The following BTAF1 variants were observed in gnomAD, a reference collection of about 807,000 sequenced individuals.
BTAF1 encodes TATA-binding protein-associated factor 172.
In BTAF1, 38 loss-of-function variants were observed where a neutral mutation model predicts 227.1. The observed-to-expected ratio is 0.17, with a 90% confidence interval of 0.13 to 0.22. BTAF1 has a LOEUF of 0.22. Among genes scored for constraint, BTAF1 ranks in the 10% least tolerant of loss-of-function variants. The probability of loss-of-function intolerance (pLI) is 1.00; values close to 1 mark genes in which losing one functional copy is unlikely to be tolerated. For missense variants in BTAF1, 1,598 were observed against 2,204.0 expected (o/e 0.73, Z 5.51); for synonymous variants, 742 against 751.9 (o/e 0.99, Z 0.21).
intron 5 of BTAF1, 149 bp from the exon 6 acceptor site, chr10:91,953,586 CAT>C: frequency 6.1e-6 from 5 of 813,046 alleles, no homozygotes; most frequent in Non-Finnish European, 7.5e-6. Context: ...ATGGTACAGT[CAT>C]ACAACAAAAG....
chr10:91,969,295 T>TAC (rs1377978247), intron 14 of BTAF1, among the ~76,000 whole-genome samples: 1 of 152,100 alleles, frequency 6.6e-6, no homozygotes, highest in Admixed American at 6.5e-5. Context: ...TAAGGTATTC[T>TAC]GTATAAATGA....
At chr10:91,960,206 A>AAG in intron 11 of BTAF1, 52 bp downstream of exon 11, 1 of 1,550,186 alleles carries the variant, frequency 6.5e-7, no homozygotes, top group Non-Finnish European at 8.7e-7. Context: ...TCCCCCTTAT[A>AAG]GTTTATTTTC....
chr10:91,985,217 T>C (rs1044529697), intron 19 of BTAF1, among the ~76,000 whole-genome samples: 77 of 152,302 alleles, frequency 5.1e-4, no homozygotes, highest in African/African-American at 1.7e-3. Context: ...TTCTAGAATT[T>C]CATGTAAATG....
chr10:92,007,475 C>T (rs1850002518), intron 25 of BTAF1, among the ~76,000 whole-genome samples: 1 of 152,100 alleles, frequency 6.6e-6, no homozygotes. Context: ...CCTCAGCCTC[C>T]TGCAGTCCTG....
At chr10:91,924,409 C>T (rs1843688646) in intron 1 of BTAF1, among the ~76,000 whole-genome samples, 2 of 152,162 alleles carry the variant, frequency 1.3e-5, no homozygotes, top group Non-Finnish European at 1.5e-5. Flanking sequence ...TTATCTTTCT[C>T]AGTATTCTAA....
Position 92,013,711 on chromosome 10 carries a change from A to T in BTAF1, c.4356A>T (p.Pro1452=). 1 of 1,614,096 alleles carries T rather than the reference A, an allele frequency of 6.2e-7. No individual in the cohort carries two copies. Among genetic ancestry groups the T allele is most frequent in the Admixed American group, 1.7e-5 (1 of 60,018 alleles). The part of the protein sequence containing the change: ...ELWSLFDFLM[P]GFLGTERQFA... ...GGTCATTATTTGATTTCCTCATGCCAGGATTTTTGGGTACTGAACGCCAGT... is the reference window on the plus strand; with the variant it reads ...GGTCATTATTTGATTTCCTCATGCCTGGATTTTTGGGTACTGAACGCCAGT... The change falls in exon 31 of 38, where the codon CCA becomes CCT. Residue 1452 remains proline (P), a synonymous_variant. Transcript: ENST00000265990.
At chr10:91,937,382 A>G (rs771638296) in intron 2 of BTAF1, among the ~76,000 whole-genome samples, 2 of 152,180 alleles carry the variant, frequency 1.3e-5, no homozygotes, top group Admixed American at 6.5e-5. Flanking sequence ...CATGGTGTAC[A>G]GCAGCCATCA....
In BTAF1 at chr10:92,007,210, C is replaced by CTT. The variant is rs969389265; in HGVS notation, c.3661-888_3661-887dup. ...ACTGCTCTATCAAGGTATTTTTTGT[C>CTT]TTTTTTTTTTTTTTTTTTTTTTTTT... On this transcript the variant is annotated intron_variant, in intron 25 of 37. Transcript: ENST00000265990. Among the ~76,000 whole-genome samples, 605 of 61,276 alleles carry CTT rather than the reference C, an allele frequency of 9.9e-3. 58 individuals carry two copies. Among genetic ancestry groups the CTT allele is most frequent in the African/African-American group, 0.026 (427 of 16,546 alleles). The allele number at this position is 61,276 out of a possible 152,430, so 40.2% of individuals were successfully genotyped here.
At chr10:91,972,414 G>A (rs1001822345) in intron 14 of BTAF1, among the ~76,000 whole-genome samples, 3 of 151,796 alleles carry the variant, frequency 2.0e-5, no homozygotes, top group Non-Finnish European at 4.4e-5. Context: ...TTTTAGCTCC[G>A]TTTCTTCCTC....
chr10:91,950,698 T>C (rs913908293), intron 4 of BTAF1, among the ~76,000 whole-genome samples: 16 of 152,178 alleles, frequency 1.1e-4, no homozygotes, highest in African/African-American at 3.9e-4. Flanking sequence ...AAGGCTACAC[T>C]TGGAGTAAGC....
In BTAF1 at chr10:91,948,076, G is replaced by A. The variant is rs55866453; in HGVS notation, c.401-3327G>A. 2.1e-3 allele frequency among the ~76,000 whole-genome samples: 312 copies of A among 152,082 alleles called. 1 individual carries two copies. The highest frequency in any genetic ancestry group is 7.1e-3 in the African/African-American group (294 of 41,494). The stretch of plus-strand genomic sequence containing the variant: ...CACAACGTGCAGGTTTGTCACATAT[G>A]TATACATGTGCCGTGTTGGTTTGCT... On this transcript the variant is annotated intron_variant, in intron 4 of 37. Transcript: ENST00000265990.
intron 4 of BTAF1, among the ~76,000 whole-genome samples, chr10:91,945,207 T>TATG (rs1845282386): frequency 1.3e-5 from 2 of 152,182 alleles, no homozygotes; most frequent in Admixed American, 1.3e-4. Context: ...ATTTTCAAGG[T>TATG]TCATCTATAT....
chr10:92,026,799 T>C (rs1851547569), intron 36 of BTAF1, 48 bp downstream of exon 36: 1 of 1,573,072 alleles, frequency 6.4e-7, no homozygotes, highest in Non-Finnish European at 8.6e-7. Context: ...CATGAAAATA[T>C]ACTCCCCCAG....
chr10:91,992,004 TA>T, intron 20 of BTAF1, 114 bp from the exon 21 acceptor site: 1 of 758,590 alleles, frequency 1.3e-6, no homozygotes, highest in Non-Finnish European at 1.9e-6. Flanking sequence ...CATTGGCCTA[TA>T]AAAGTTGAGG....
At chr10:91,933,285 G>A (rs1844392859) in intron 1 of BTAF1, among the ~76,000 whole-genome samples, 1 of 152,162 alleles carries the variant, frequency 6.6e-6, no homozygotes, top group African/African-American at 2.4e-5. Flanking sequence ...ATTTATTCGG[G>A]GGCGTTTTAG....
intron 33 of BTAF1, among the ~76,000 whole-genome samples, chr10:92,018,513 A>G (rs189529311): frequency 1.2e-4 from 19 of 152,310 alleles, no homozygotes; most frequent in South Asian, 2.1e-4. Context: ...AAGACGCTCA[A>G]TTTGCCATGG....
chr10:91,966,870 C>A, intron 14 of BTAF1, 113 bp downstream of exon 14: 1 of 967,926 alleles, frequency 1.0e-6, no homozygotes, highest in Non-Finnish European at 1.5e-6. Context: ...CAATGTTGGG[C>A]CTAGTGGTAT....
chr10:91,997,541 AGTTT>A (rs756998821), intron 24 of BTAF1, 58 bp from the exon 25 acceptor site: 288 of 1,432,346 alleles, frequency 2.0e-4, no homozygotes, highest in Non-Finnish European at 2.4e-4. Flanking sequence ...TCTTGGTATC[AGTTT>A]GTTTGTGAAA....
chr10:91,939,314 T>G (rs1047304237), intron 2 of BTAF1, among the ~76,000 whole-genome samples: 18 of 152,252 alleles, frequency 1.2e-4, no homozygotes, highest in Non-Finnish European at 1.9e-4. Flanking sequence ...CATACTAAAC[T>G]TGAGATTTTA....
Sources: allele counts gnomAD v4.1 joint callset (sites outside exome capture counted in the v4.1 genomes callset), GRCh38; gene constraint gnomAD v4.1.1; transcripts MANE v1.5; gene names NCBI Gene and HGNC (gene_info 2026-07-23, HGNC 2026-07-21).